Variants in CSMD1 observed in about 807,000 individuals in gnomAD.
CSMD1 encodes CUB and Sushi multiple domains 1.
In CSMD1, 213 loss-of-function variants were observed where a neutral mutation model predicts 417.5. That is an observed-to-expected ratio of 0.51 (90% CI 0.46 to 0.57). The LOEUF is 0.57. Among genes scored for constraint, CSMD1 ranks in the 20% least tolerant of loss-of-function variants. The probability of loss-of-function intolerance (pLI) is 0.00; values close to 1 mark genes in which losing one functional copy is unlikely to be tolerated. For synonymous variants in CSMD1, 2,862 were observed against 1,736.8 expected (o/e 1.65, Z -16.11); for missense variants, 6,923 against 4,529.7 (o/e 1.53, Z -15.17).
chr8:3,816,909 A>G (rs543334572), intron 5 of CSMD1, among the ~76,000 whole-genome samples: 1 of 152,310 alleles, frequency 6.6e-6, no homozygotes, highest in East Asian at 1.9e-4. Context: ...CATAAATTCT[A>G]TATGGTCCTC....
At chr8:3,754,311 G>A (rs554465043) in intron 5 of CSMD1, among the ~76,000 whole-genome samples, 1 of 152,020 alleles carries the variant, frequency 6.6e-6, no homozygotes, top group Non-Finnish European at 1.5e-5. Flanking sequence ...TGCAGGAGGA[G>A]GTATTCTTTT....
In CSMD1 at chr8:4,319,472, G is replaced by A. The variant is rs183626904; in HGVS notation, c.415+100481C>T. Among the ~76,000 whole-genome samples, 207 of 152,124 alleles carry A rather than the reference G, an allele frequency of 1.4e-3. 2 individuals are homozygous for A. The highest frequency in any genetic ancestry group is 4.8e-3 in the African/African-American group (198 of 41,496). ...CAAATAATAGCTACTCCTTCTTAAG[G>A]CTTTGCTAGGATAGCAGGGACCAGA... On this transcript the variant is annotated intron_variant, in intron 3 of 69. Coordinates refer to ENST00000635120, the MANE Select transcript of CSMD1 (RefSeq NM_033225.6).
rs545788294 is a variant in CSMD1, at chr8:4,305,495, C to T, written c.415+114458G>A. On this transcript the variant is annotated intron_variant, in intron 3 of 69. Coordinates refer to ENST00000635120, the MANE Select transcript of CSMD1 (RefSeq NM_033225.6). ...TAAAATTAATGTGCTTTTACAGGCA[C>T]TGCTTTCCCTGAGGGCAGAGCGGTG... Among the ~76,000 whole-genome samples, 117 of 152,340 alleles carry T rather than the reference C, an allele frequency of 7.7e-4. 1 individual carries two copies. The highest frequency in any genetic ancestry group is 1.7e-3 in the South Asian group (8 of 4,834).
At chr8:3,973,983 T>C (rs7842821) in intron 5 of CSMD1, among the ~76,000 whole-genome samples, 49,934 of 152,060 alleles carry the variant, frequency 0.33, 8,968 homozygotes, top group East Asian at 0.46. Context: ...ATTTATCCAT[T>C]GAGTTGCAAA....
chr8:4,501,035 G>A (rs7832942), intron 2 of CSMD1, among the ~76,000 whole-genome samples: 3,131 of 151,958 alleles, frequency 0.021, 109 homozygotes, highest in African/African-American at 0.073. Flanking sequence ...TAACTACCTT[G>A]GGTTATGACA....
chr8:4,414,789 A>C (rs1476509199), intron 3 of CSMD1, among the ~76,000 whole-genome samples: 3 of 152,154 alleles, frequency 2.0e-5, no homozygotes, highest in Non-Finnish European at 2.9e-5. Context: ...TCATGTGCCA[A>C]GTGTCAAGGA....
chr8:4,301,148 A>G (rs1585188870), intron 3 of CSMD1, among the ~76,000 whole-genome samples: 2 of 152,270 alleles, frequency 1.3e-5, no homozygotes, highest in Non-Finnish European at 2.9e-5. Context: ...GAGCAGGAGC[A>G]TTGTTGTGAT....
At chr8:4,057,377 G>C (rs917373241) in intron 3 of CSMD1, among the ~76,000 whole-genome samples, 11 of 148,756 alleles carry the variant, frequency 7.4e-5, no homozygotes, top group African/African-American at 2.7e-4. Flanking sequence ...TTTTGATGGG[G>C]TTATTTGTTT....
At chr8:3,288,094 C>T (rs1803289711) in intron 25 of CSMD1, among the ~76,000 whole-genome samples, 2 of 147,274 alleles carry the variant, frequency 1.4e-5, no homozygotes, top group South Asian at 4.1e-4. Context: ...TGTTTATATG[C>T]TGGATTACAT....
intron 50 of CSMD1, among the ~76,000 whole-genome samples, chr8:3,048,438 C>T (rs1050923762): frequency 2.0e-5 from 3 of 152,048 alleles, no homozygotes; most frequent in Admixed American, 2.0e-4. Flanking sequence ...CCACATAAAT[C>T]TAGTCAATGA....
At chr8:3,594,905 G>A (rs1307608400) in intron 8 of CSMD1, among the ~76,000 whole-genome samples, 2 of 152,098 alleles carry the variant, frequency 1.3e-5, no homozygotes, top group Non-Finnish European at 2.9e-5. Context: ...GAACTAATGT[G>A]AGCAAAAACC....
chr8:4,385,644 A>C (rs1446327011), intron 3 of CSMD1, among the ~76,000 whole-genome samples: 1 of 152,196 alleles, frequency 6.6e-6, no homozygotes, highest in Non-Finnish European at 1.5e-5. Context: ...TGCAAAGACA[A>C]TTGGCATCAT....
intron 5 of CSMD1, among the ~76,000 whole-genome samples, chr8:3,879,837 G>A (rs920449794): frequency 8.8e-5 from 8 of 90,750 alleles, no homozygotes; most frequent in Non-Finnish European, 1.3e-4. Context: ...GTGCGTGTGC[G>A]TGTGTGTGTG....
At chr8:3,137,024 T>A (rs1464066256) in intron 41 of CSMD1, among the ~76,000 whole-genome samples, 1 of 152,160 alleles carries the variant, frequency 6.6e-6, no homozygotes, top group Admixed American at 6.5e-5. Context: ...TTTCAATACA[T>A]ATAATCTAAG....
intron 26 of CSMD1, among the ~76,000 whole-genome samples, chr8:3,282,687 C>T (rs567152223): frequency 9.2e-5 from 14 of 152,248 alleles, no homozygotes; most frequent in African/African-American, 2.6e-4. Context: ...TCCACAGGCA[C>T]GTGTTTGCAA....
intron 10 of CSMD1, among the ~76,000 whole-genome samples, chr8:3,541,864 C>A (rs1348278126): frequency 1.3e-5 from 2 of 151,870 alleles, no homozygotes; most frequent in Non-Finnish European, 2.9e-5. Context: ...GAGTTCGAGA[C>A]CAGCCTGGCC....
intron 2 of CSMD1, among the ~76,000 whole-genome samples, chr8:4,487,347 G>C (rs534352382): frequency 6.6e-6 from 1 of 152,210 alleles, no homozygotes; most frequent in African/African-American, 2.4e-5. Context: ...CCCAGAGTGT[G>C]ATGTTCCCCT....
In CSMD1 at chr8:4,756,383, T is replaced by C. The variant is rs527929983; in HGVS notation, c.86-118825A>G. On this transcript the variant is annotated intron_variant, in intron 1 of 69. Coordinates refer to ENST00000635120, the MANE Select transcript of CSMD1 (RefSeq NM_033225.6). ...TATTTTTAAAAGTAACACTTGGTTT[T>C]TTTCTGACCCGACCAAGTTGAAGAA... Among the ~76,000 whole-genome samples, 10 of 152,322 alleles carry C rather than the reference T, an allele frequency of 6.6e-5. No homozygotes were observed. In the South Asian group the frequency reaches 2.1e-3, roughly 32 times the overall value.
intron 1 of CSMD1, among the ~76,000 whole-genome samples, chr8:4,962,453 T>G (rs1251139456): frequency 6.6e-6 from 1 of 152,112 alleles, no homozygotes; most frequent in East Asian, 1.9e-4. Context: ...TCAAAGGATC[T>G]TCCCACCTAG....
Sources: gnomAD v4.1 joint callset for allele counts (sites outside exome capture counted in the v4.1 genomes callset) on GRCh38, gnomAD v4.1.1 for gene constraint, MANE v1.5 for transcripts, NCBI Gene and HGNC (gene_info 2026-07-23, HGNC 2026-07-21) for gene names.